SRGAP3: variants seen among roughly 807,000 people sequenced by gnomAD.
The protein encoded by SRGAP3 is SLIT-ROBO Rho GTPase-activating protein 3.
SRGAP3 carries 39 observed loss-of-function variants against 121.1 expected under a neutral mutation model. That is an observed-to-expected ratio of 0.32 (90% CI 0.25 to 0.42). The LOEUF (loss-of-function observed/expected upper bound fraction) is 0.42. Among genes scored for constraint, SRGAP3 ranks in the 10% least tolerant of loss-of-function variants. The pLI is 1.00. For missense variants in SRGAP3, 1,213 were observed against 1,470.6 expected, an observed-to-expected ratio of 0.82 and a Z score of 2.86; for synonymous variants, 601 against 570.0, an observed-to-expected ratio of 1.05 and a Z score of -0.77.
At chr3:9,362,946 A>G (rs1196823856) in exon 1 of SRGAP3, 2 of 152,212 alleles carry the variant, frequency 1.3e-5, no homozygotes, top group Admixed American at 6.5e-5. Flanking sequence ...CTCAAAACCA[A>G]CAGCACACAG....
intron 3 of SRGAP3, among the ~76,000 whole-genome samples, chr3:9,098,564 T>C (rs1027638642): frequency 4.6e-5 from 7 of 152,164 alleles, no homozygotes; most frequent in Admixed American, 3.3e-4. Context: ...TGCACCTGAC[T>C]CTATCTTCTT....
chr3:9,032,913 C>T (rs953185274), intron 11 of SRGAP3, among the ~76,000 whole-genome samples, 161 bp from the exon 12 acceptor site: 1 of 152,048 alleles, frequency 6.6e-6, no homozygotes, highest in East Asian at 1.9e-4. Context: ...CATCTGAAGG[C>T]CTTTGGATGT....
At chr3:9,108,388 T>G (rs148167747) in intron 2 of SRGAP3, among the ~76,000 whole-genome samples, 127 of 151,958 alleles carry the variant, frequency 8.4e-4, no homozygotes, top group Middle Eastern at 3.4e-3. Flanking sequence ...GAGGCTGAGG[T>G]AGGAGGATCA....
intron 2 of SRGAP3, chr3:9,330,475 C>T (rs1425325853): frequency 8.9e-5 from 14 of 157,924 alleles, no homozygotes; most frequent in Admixed American, 5.8e-4. Context: ...TTAGCACCCA[C>T]GATCCCCAGC....
At chr3:9,048,293 C>T (rs1454748388) in intron 9 of SRGAP3, among the ~76,000 whole-genome samples, 1 of 152,214 alleles carries the variant, frequency 6.6e-6, no homozygotes, top group Admixed American at 6.5e-5. Context: ...GTCACAGAGC[C>T]CCACTGGGCA....
At chr3:9,244,872 C>G (rs1318467519) in intron 1 of SRGAP3, among the ~76,000 whole-genome samples, 1 of 152,194 alleles carries the variant, frequency 6.6e-6, no homozygotes, top group Non-Finnish European at 1.5e-5. Flanking sequence ...ATTTTCTTCT[C>G]TCTGACAAGG....
rs528366298 is a variant in SRGAP3, at chr3:9,224,561, T to C, written c.67+24324A>G. On this transcript the variant is annotated intron_variant, in intron 1 of 21. Transcript: ENST00000383836. ...TCCCAAAATTGCCACAATTCACAAATACCTTCATATCTGTGGGAGAAAGGC... is the reference window on the plus strand; with the variant it reads ...TCCCAAAATTGCCACAATTCACAAACACCTTCATATCTGTGGGAGAAAGGC... 2.6e-5 allele frequency among the ~76,000 whole-genome samples: 4 copies of C among 152,180 alleles called. No homozygotes were observed. In the South Asian group the frequency reaches 8.3e-4, roughly 32 times the overall value.
chr3:9,356,097 C>T (rs535946671), intron 1 of SRGAP3, among the ~76,000 whole-genome samples: 8 of 151,942 alleles, frequency 5.3e-5, no homozygotes, highest in African/African-American at 1.9e-4. Context: ...ACTTTGGTGG[C>T]ACACATTCAA....
intron 3 of SRGAP3, among the ~76,000 whole-genome samples, chr3:9,314,849 C>T (rs1256432777): frequency 6.6e-6 from 1 of 152,210 alleles, no homozygotes; most frequent in East Asian, 1.9e-4. Flanking sequence ...GGGAGGGGAC[C>T]TGGCACTGGA....
At chr3:9,199,066 C>A (rs138684207) in intron 1 of SRGAP3, among the ~76,000 whole-genome samples, 10 of 152,288 alleles carry the variant, frequency 6.6e-5, no homozygotes, top group Middle Eastern at 3.4e-3. Flanking sequence ...ATCTGCCCCC[C>A]CTTCCCATCC....
chr3:9,124,878 T>A lies in SRGAP3; in HGVS notation c.107A>T (p.Glu36Val), dbSNP rs1218475736. Reference protein sequence around the residue: ...TQLVEQFKCLEQQSESRLQLL... With the variant: ...TQLVEQFKCLVQQSESRLQLL... ...CTGCAGTCGCGACTCTGATTGCTGCTCCAGACATTTGAACTGCTCCACCAG... is the reference window on the plus strand; with the variant it reads ...CTGCAGTCGCGACTCTGATTGCTGCACCAGACATTTGAACTGCTCCACCAG... Residue 36 changes from glutamate (E) to valine (V), a missense_variant, in exon 2 of 22, where the codon GAG becomes GTG. Physicochemically the swap from Glu to Val is moderately radical, Grantham distance 121. This residue lies in a region of SRGAP3 where 793 missense variants were observed against 1,032.9 expected (regional missense o/e 0.77). Transcript: ENST00000383836. 6.2e-7 allele frequency: 1 copy of A among 1,614,170 alleles called. No homozygotes were observed. The highest frequency in any genetic ancestry group is 1.1e-5 in the South Asian group (1 of 91,084).
At chr3:9,299,346 C>T (rs539167390) in intron 3 of SRGAP3, among the ~76,000 whole-genome samples, 203 of 136,772 alleles carry the variant, frequency 1.5e-3, no homozygotes, top group Non-Finnish European at 2.7e-3. Flanking sequence ...GGTGGCAGAG[C>T]GAGACTCCGT....
chr3:9,173,535 G>C (rs368056), intron 1 of SRGAP3, among the ~76,000 whole-genome samples: 17,591 of 152,244 alleles, frequency 0.12, 1,253 homozygotes, highest in East Asian at 0.28. Flanking sequence ...GCAGAGAGGA[G>C]AAGATGATGG....
intron 3 of SRGAP3, among the ~76,000 whole-genome samples, chr3:9,285,353 T>G (rs1185082601): frequency 2.0e-5 from 3 of 152,162 alleles, no homozygotes; most frequent in African/African-American, 7.2e-5. Flanking sequence ...CACCTTGGCA[T>G]TTGAGAAAAC....
intron 1 of SRGAP3, among the ~76,000 whole-genome samples, chr3:9,229,139 A>G (rs937345439): frequency 5.9e-5 from 9 of 151,958 alleles, no homozygotes; most frequent in African/African-American, 1.9e-4. Flanking sequence ...TTAAGGGCAT[A>G]GTAGTCCACC....
At chr3:9,126,983 A>G (rs1213242021) in intron 1 of SRGAP3, among the ~76,000 whole-genome samples, 1 of 152,234 alleles carries the variant, frequency 6.6e-6, no homozygotes, top group Non-Finnish European at 1.5e-5. Context: ...TGTTTTTAAA[A>G]AGTTGATATT....
intron 1 of SRGAP3, among the ~76,000 whole-genome samples, chr3:9,203,295 T>C (rs1262809492): frequency 6.6e-6 from 1 of 152,160 alleles, no homozygotes; most frequent in Non-Finnish European, 1.5e-5. Flanking sequence ...TGAACTTGGA[T>C]TCTAGTGCTA....
chr3:9,274,698 G>A (rs573265957), intron 3 of SRGAP3, among the ~76,000 whole-genome samples: 3 of 152,314 alleles, frequency 2.0e-5, no homozygotes, highest in African/African-American at 7.2e-5. Flanking sequence ...AAATGAGGGG[G>A]ATTTTATTGC....
Position 9,092,179 on chromosome 3 carries a change from A to ACTT in SRGAP3, c.424-12095_424-12093dup, listed in dbSNP as rs147883076. ...GGACCCTGTTTATGCTGAAAGCTTC[A>ACTT]CTTTCAGAACTGCTTTACGTAACAG... is the stretch of plus-strand genomic sequence containing the variant. On this transcript the variant is annotated intron_variant, in intron 3 of 21. Transcript: ENST00000383836. 9.6e-3 allele frequency among the ~76,000 whole-genome samples: 1,453 copies of ACTT among 152,034 alleles called. 24 individuals are homozygous for ACTT. The highest frequency in any genetic ancestry group is 0.033 in the African/African-American group (1,364 of 41,498).
Sources: gnomAD v4.1 joint callset for allele counts (sites outside exome capture counted in the v4.1 genomes callset) on GRCh38, gnomAD v4.1.1 for gene constraint, gnomAD v4.1.1 regional missense constraint, MANE v1.5 for transcripts, NCBI Gene and HGNC (gene_info 2026-07-23, HGNC 2026-07-21) for gene names.